The following BPNT1 variants were observed in gnomAD, a reference collection of about 807,000 sequenced individuals.
BPNT1 encodes 3'(2'),5'-bisphosphate nucleotidase 1.
Under a neutral mutation model 36.9 loss-of-function variants are expected in BPNT1, and 28 were observed. The observed-to-expected ratio is 0.76, with a 90% CI of 0.56 to 1.04. BPNT1 has a LOEUF of 1.04. BPNT1 is among the 50% of genes least tolerant of loss of function. The pLI, the probability that BPNT1 is intolerant of heterozygous loss-of-function variation, is 0.00. For missense variants in BPNT1, 313 were observed against 372.9 expected (o/e 0.84, Z 1.32); for synonymous variants, 119 against 130.9 (o/e 0.91, Z 0.62).
At chr1:220,067,429 G>A in intron 5 of BPNT1, 36 bp from the exon 6 acceptor site, 6 of 1,474,492 alleles carry the variant, frequency 4.1e-6, no homozygotes, top group Middle Eastern at 1.7e-4. Context: ...TATATAACTT[G>A]CTCATATTAT....
intron 3 of BPNT1, among the ~76,000 whole-genome samples, chr1:220,073,251 C>T (rs1664230890): frequency 6.6e-6 from 1 of 151,976 alleles, no homozygotes. Flanking sequence ...CAGATAGTTC[C>T]CTTGTATTAC....
chr1:220,068,758 C>T (rs1461535498), intron 5 of BPNT1, among the ~76,000 whole-genome samples: 1 of 152,072 alleles, frequency 6.6e-6, no homozygotes, highest in Non-Finnish European at 1.5e-5. Flanking sequence ...TGCAGTGAGC[C>T]GAGATGGTGC....
chr1:220,086,644 C>G (rs1169849704), intron 1 of BPNT1, among the ~76,000 whole-genome samples: 1 of 151,254 alleles, frequency 6.6e-6, no homozygotes, highest in African/African-American at 2.4e-5. Flanking sequence ...GGCGAGATCA[C>G]GGCTCACTGC....
intron 2 of BPNT1, among the ~76,000 whole-genome samples, chr1:220,076,586 G>A (rs1397173477): frequency 6.6e-6 from 1 of 150,950 alleles, no homozygotes; most frequent in Admixed American, 6.6e-5. Context: ...CCAGGAGGCT[G>A]AGGCAGGAGA....
At chr1:220,089,056 GCA>G (rs1656043881) in intron 1 of BPNT1, among the ~76,000 whole-genome samples, 1 of 128,930 alleles carries the variant, frequency 7.8e-6, no homozygotes. Context: ...AGCCGAGATT[GCA>G]CCACTGCACT....
At chr1:220,062,142 C>CTT (rs973508667) in intron 7 of BPNT1, among the ~76,000 whole-genome samples, 8 of 146,836 alleles carry the variant, frequency 5.4e-5, no homozygotes, top group Non-Finnish European at 1.1e-4. Context: ...ACGCTTATTT[C>CTT]TTTTTTTTTT....
chr1:220,085,652 T>C (rs776704949), intron 1 of BPNT1, among the ~76,000 whole-genome samples: 1 of 152,238 alleles, frequency 6.6e-6, no homozygotes, highest in Non-Finnish European at 1.5e-5. Context: ...AAAAAGTTCC[T>C]GTAGTTTCTC....
In BPNT1 at chr1:220,057,724, G is replaced by A. The variant is rs1558070012; in HGVS notation, c.*1120C>T. The A allele has an allele frequency of 5.5e-6, 3 of 548,618 alleles. No homozygotes were observed. The highest frequency in any genetic ancestry group is 9.0e-6 in the Non-Finnish European group (3 of 331,944). The allele number at this position is 548,618 out of a possible 1,614,324, so 34.0% of individuals were successfully genotyped here. A position where few individuals can be genotyped will look rare whatever the true frequency, so the allele number is the denominator to read the frequency against. Reference sequence around the variant, plus strand: ...TTTTAAAAAGCTGGTGAATAACAAAGAGCTAGGATTAAATAATTTATTTAA... The same window carrying A: ...TTTTAAAAAGCTGGTGAATAACAAAAAGCTAGGATTAAATAATTTATTTAA... On this transcript the variant is annotated 3_prime_UTR_variant, in exon 9 of 9. Coordinates refer to ENST00000322067, the MANE Select transcript of BPNT1 (RefSeq NM_006085.6).
intron 4 of BPNT1, 65 bp from the exon 5 acceptor site, chr1:220,069,497 A>C (rs920441270): frequency 1.7e-6 from 2 of 1,191,238 alleles, no homozygotes; most frequent in African/African-American, 3.1e-5. Flanking sequence ...AAATAGATTT[A>C]AATAGATTAA....
chr1:220,069,151 G>T (rs1663813554), intron 5 of BPNT1, among the ~76,000 whole-genome samples: 1 of 152,206 alleles, frequency 6.6e-6, no homozygotes, highest in African/African-American at 2.4e-5. Context: ...GGAGACATTA[G>T]AAGTGTGGGG....
At chr1:220,080,240 T>C (rs1664979485) in intron 1 of BPNT1, among the ~76,000 whole-genome samples, 1 of 152,026 alleles carries the variant, frequency 6.6e-6, no homozygotes, top group Non-Finnish European at 1.5e-5. Flanking sequence ...TTTTGGTGAG[T>C]TGTAGATAAA....
chr1:220,088,598 T>G (rs1182956042), intron 1 of BPNT1, among the ~76,000 whole-genome samples: 1 of 151,526 alleles, frequency 6.6e-6, no homozygotes, highest in Non-Finnish European at 1.5e-5. Flanking sequence ...GAGACCAGCC[T>G]GGGCAACATG....
At chr1:220,082,168 A>T (rs1015160561) in intron 1 of BPNT1, among the ~76,000 whole-genome samples, 14 of 141,734 alleles carry the variant, frequency 9.9e-5, no homozygotes, top group African/African-American at 3.0e-4. Flanking sequence ...TTTTATATAT[A>T]TTTTATATTT....
intron 2 of BPNT1, among the ~76,000 whole-genome samples, chr1:220,078,256 G>A (rs566444446): frequency 2.6e-4 from 38 of 144,130 alleles, no homozygotes; most frequent in East Asian, 2.0e-3. Flanking sequence ...GAAAACTTAC[G>A]TGTAAAATTT....
chr1:220,077,277 A>G (rs1286334424), intron 2 of BPNT1, among the ~76,000 whole-genome samples: 2 of 152,202 alleles, frequency 1.3e-5, no homozygotes, highest in Non-Finnish European at 2.9e-5. Flanking sequence ...AGAAAATGAC[A>G]GACTATAAAA....
intron 1 of BPNT1, among the ~76,000 whole-genome samples, chr1:220,084,199 G>A (rs543780837): frequency 1.3e-5 from 2 of 152,140 alleles, no homozygotes; most frequent in East Asian, 1.9e-4. Context: ...GGGCGTGGTG[G>A]TGGGCACCTG....
chr1:220,076,513 A>G (rs1472524074), intron 2 of BPNT1, among the ~76,000 whole-genome samples: 2 of 148,574 alleles, frequency 1.3e-5, no homozygotes, highest in Admixed American at 6.7e-5. Flanking sequence ...AAAAAAAAAA[A>G]AAAAAGGCAA....
intron 2 of BPNT1, among the ~76,000 whole-genome samples, chr1:220,079,402 G>A (rs935863047): frequency 1.3e-5 from 2 of 152,046 alleles, no homozygotes; most frequent in Non-Finnish European, 2.9e-5. Flanking sequence ...ACAGGCGCTC[G>A]CCACCACGCC....
intron 1 of BPNT1, among the ~76,000 whole-genome samples, chr1:220,082,758 T>G (rs1655306027): frequency 6.6e-6 from 1 of 151,712 alleles, no homozygotes; most frequent in East Asian, 2.0e-4. Flanking sequence ...AGCTAATTTT[T>G]GTATTGTTAG....
Sources: allele counts gnomAD v4.1 joint callset (sites outside exome capture counted in the v4.1 genomes callset), GRCh38; gene constraint gnomAD v4.1.1; transcripts MANE v1.5; gene names NCBI Gene and HGNC (gene_info 2026-07-23, HGNC 2026-07-21).